The following FSTL4 variants were observed in gnomAD, a reference collection of about 807,000 sequenced individuals.
FSTL4 encodes the protein follistatin like 4, also known as follistatin-related protein 4.
A neutral mutation model predicts 78.2 loss-of-function variants in FSTL4; 28 were observed. That is an observed-to-expected ratio of 0.36 (90% confidence interval 0.27 to 0.49). FSTL4 has a LOEUF of 0.49. Among genes scored for constraint, FSTL4 ranks in the 20% least tolerant of loss-of-function variants. The pLI is 0.98. For missense variants in FSTL4, 922 were observed against 1,084.9 expected (o/e 0.85, Z 2.11); for synonymous variants, 422 against 440.5 (o/e 0.96, Z 0.53).
intron 3 of FSTL4, among the ~76,000 whole-genome samples, chr5:133,503,646 C>T (rs558323496): frequency 6.6e-6 from 1 of 152,346 alleles, no homozygotes; most frequent in South Asian, 2.1e-4. Context: ...ATTTTAGCCA[C>T]TTATGGCTTC....
chr5:133,414,585 A>G (rs1263176837), intron 3 of FSTL4, among the ~76,000 whole-genome samples: 1 of 152,190 alleles, frequency 6.6e-6, no homozygotes, highest in Non-Finnish European at 1.5e-5. Flanking sequence ...TTGTATTTTT[A>G]GCCTCTAGGT....
intron 3 of FSTL4, among the ~76,000 whole-genome samples, chr5:133,477,786 TG>T (rs1328122731): frequency 6.7e-6 from 1 of 149,376 alleles, no homozygotes; most frequent in Non-Finnish European, 1.5e-5. Flanking sequence ...CTGCAAAAAA[TG>T]TTTTTTTTTC....
At chr5:133,498,220 C>T (rs1332856183) in intron 3 of FSTL4, among the ~76,000 whole-genome samples, 1 of 152,154 alleles carries the variant, frequency 6.6e-6, no homozygotes, top group African/African-American at 2.4e-5. Flanking sequence ...TCCAGAGCTG[C>T]TGTTGGGGCT....
chr5:133,682,313 A>G, the FSTL4 span, among the ~76,000 whole-genome samples: 11 of 152,134 alleles, frequency 7.2e-5, no homozygotes, highest in Non-Finnish European at 1.2e-4. Context: ...CTCATTCCCA[A>G]TCCCCCTAGT....
the FSTL4 span, among the ~76,000 whole-genome samples, chr5:133,785,726 C>T: frequency 6.6e-6 from 1 of 152,260 alleles, no homozygotes; most frequent in Non-Finnish European, 1.5e-5. Flanking sequence ...AGTGGTGTGG[C>T]TCAGGGTGAG....
chr5:133,759,571 G>C, the FSTL4 span, among the ~76,000 whole-genome samples: 1 of 152,180 alleles, frequency 6.6e-6, no homozygotes, highest in African/African-American at 2.4e-5. Flanking sequence ...ATAGGGCCCA[G>C]TACTATGTGA....
chr5:133,452,817 A>T (rs1260430953), intron 3 of FSTL4, among the ~76,000 whole-genome samples: 1 of 152,212 alleles, frequency 6.6e-6, no homozygotes, highest in Non-Finnish European at 1.5e-5. Context: ...GCCAGAGAGA[A>T]CACACATGGC....
intron 3 of FSTL4, among the ~76,000 whole-genome samples, chr5:133,452,112 G>A (rs1757396428): frequency 6.6e-6 from 1 of 152,232 alleles, no homozygotes. Context: ...TTGGGGCACA[G>A]AGGATGGAGC....
chr5:133,573,813 T>C (rs1760214923), intron 2 of FSTL4, among the ~76,000 whole-genome samples: 1 of 152,252 alleles, frequency 6.6e-6, no homozygotes, highest in South Asian at 2.1e-4. Flanking sequence ...GGCCGTATGC[T>C]GAGCCATAAG....
At chr5:133,286,395 G>T (rs2126864091) in intron 6 of FSTL4, among the ~76,000 whole-genome samples, 1 of 152,280 alleles carries the variant, frequency 6.6e-6, no homozygotes, top group African/African-American at 2.4e-5. Flanking sequence ...CCACATTCAG[G>T]CATGTAAAAA....
chr5:133,515,303 G>C (rs1758830819), intron 3 of FSTL4, among the ~76,000 whole-genome samples: 1 of 151,770 alleles, frequency 6.6e-6, no homozygotes, highest in Admixed American at 6.6e-5. Context: ...GAGGTGGGAG[G>C]ATCACTTGAG....
At chr5:133,362,858 T>C (rs1426459523) in intron 4 of FSTL4, among the ~76,000 whole-genome samples, 1 of 152,272 alleles carries the variant, frequency 6.6e-6, no homozygotes, top group African/African-American at 2.4e-5. Flanking sequence ...AACTCATCAA[T>C]TACTATGCCT....
At chr5:133,342,234 G>T (rs1754599376) in intron 4 of FSTL4, among the ~76,000 whole-genome samples, 2 of 152,168 alleles carry the variant, frequency 1.3e-5, no homozygotes, top group South Asian at 4.1e-4. Flanking sequence ...CCCCCATGTG[G>T]CTGCAGAGAG....
intron 2 of FSTL4, among the ~76,000 whole-genome samples, chr5:133,598,309 A>G (rs1760783199): frequency 6.6e-6 from 1 of 152,040 alleles, no homozygotes; most frequent in South Asian, 2.1e-4. Flanking sequence ...CCTGGAGCTC[A>G]GAATCTTGGG....
At chr5:133,626,419 G>C in the FSTL4 span, among the ~76,000 whole-genome samples, 3 of 142,250 alleles carry the variant, frequency 2.1e-5, no homozygotes, top group South Asian at 6.6e-4. Flanking sequence ...GCCCAGGCTA[G>C]TCTTGAATCC....
intron 3 of FSTL4, among the ~76,000 whole-genome samples, chr5:133,504,817 C>T (rs180785792): frequency 4.6e-4 from 70 of 152,310 alleles, no homozygotes; most frequent in Middle Eastern, 6.8e-3. Context: ...GTCAGGTGCC[C>T]ACAGCCCTCT....
chr5:133,293,956 C>T (rs544451244), intron 6 of FSTL4, among the ~76,000 whole-genome samples: 55 of 152,258 alleles, frequency 3.6e-4, no homozygotes, highest in African/African-American at 1.2e-3. Flanking sequence ...GTCCATGGCA[C>T]GGGACGAGTT....
chr5:133,276,245 C>A (rs1752880153), intron 6 of FSTL4, among the ~76,000 whole-genome samples: 5 of 152,218 alleles, frequency 3.3e-5, no homozygotes. Flanking sequence ...CTTCAGCTGG[C>A]TGCCAGCAGG....
intron 4 of FSTL4, among the ~76,000 whole-genome samples, chr5:133,382,394 C>A (rs986574848): frequency 1.3e-5 from 2 of 152,236 alleles, no homozygotes; most frequent in African/African-American, 2.4e-5. Context: ...CATTTCTTTA[C>A]GTGGGTAATA....
Sources: gnomAD v4.1 joint callset for allele counts (sites outside exome capture counted in the v4.1 genomes callset) on GRCh38, gnomAD v4.1.1 for gene constraint, MANE v1.5 for transcripts, NCBI Gene and HGNC (gene_info 2026-07-23, HGNC 2026-07-21) for gene names.